XIRP2: variants seen among roughly 807,000 people sequenced by gnomAD.
XIRP2 encodes xin actin-binding repeat-containing protein 2.
A neutral mutation model predicts 277.0 loss-of-function variants in XIRP2; 236 were observed. That is an observed-to-expected ratio of 0.85 (90% CI 0.77 to 0.95). XIRP2 has a LOEUF of 0.95. XIRP2 is among the 40% of genes least tolerant of loss of function. The pLI, the probability that XIRP2 is intolerant of heterozygous loss-of-function variation, is 0.00. For missense variants in XIRP2, 4,640 were observed against 4,157.5 expected (o/e 1.12, Z -3.19); for synonymous variants, 1,490 against 1,416.5 (o/e 1.05, Z -1.17).
chr2:167,051,847 G>A (rs140151469), intron 2 of XIRP2, among the ~76,000 whole-genome samples: 2 of 152,062 alleles, frequency 1.3e-5, no homozygotes, highest in Admixed American at 1.3e-4. Flanking sequence ...TTCTGTAACT[G>A]TAAATTTGCC....
At chr2:167,200,847 C>T (rs537562213) in intron 3 of XIRP2, among the ~76,000 whole-genome samples, 17 of 151,980 alleles carry the variant, frequency 1.1e-4, no homozygotes, top group East Asian at 3.9e-4. Context: ...ATATACCTGC[C>T]GGGTGTGGTG....
chr2:167,251,228 C>T lies in XIRP2; in HGVS notation c.9836C>T (p.Ser3279Phe). ...ATYVHKDGLN[S>F]TDHMVPDTES... is the part of the protein sequence containing the mutation. ...TATGTTCATAAAGATGGACTAAATT[C>T]CACTGATCACATGGTGCCCGACACT... Residue 3279 changes from serine (S) to phenylalanine (F), a missense_variant, in exon 9 of 11, where the codon TCC becomes TTC. Ser to Phe is a radical substitution (Grantham distance 155, BLOSUM62 -2). Coordinates refer to ENST00000409195, the MANE Select transcript of XIRP2 (RefSeq NM_152381.6). The T allele has an allele frequency of 6.2e-7, 1 of 1,613,546 alleles. No homozygotes were observed. The highest frequency in any genetic ancestry group is 8.5e-7 in the Non-Finnish European group (1 of 1,179,712).
chr2:167,022,449 T>A lies in XIRP2; in HGVS notation c.409-113460T>A, dbSNP rs189957442. 3.0e-3 allele frequency among the ~76,000 whole-genome samples: 450 copies of A among 152,298 alleles called. 2 individuals carry two copies. Among genetic ancestry groups the A allele is most frequent in the African/African-American group, 0.01 (429 of 41,582 alleles). On this transcript the variant is annotated intron_variant, in intron 2 of 10. Coordinates refer to ENST00000409195, the MANE Select transcript of XIRP2 (RefSeq NM_152381.6). The stretch of plus-strand genomic sequence containing the variant: ...GCATAATGTTATGTATTCATTTTTT[T>A]AATTTTATTATTATTATACTTTAAG...
intron 2 of XIRP2, among the ~76,000 whole-genome samples, chr2:166,919,736 C>T (rs888451761): frequency 1.3e-5 from 2 of 151,768 alleles, no homozygotes; most frequent in African/African-American, 4.8e-5. Context: ...GTTATAAAAA[C>T]AAGAAATAAA....
At chr2:166,997,697 G>C (rs944875988) in intron 2 of XIRP2, among the ~76,000 whole-genome samples, 13 of 152,184 alleles carry the variant, frequency 8.5e-5, no homozygotes, top group African/African-American at 2.9e-4. Context: ...ACTAGGTCAA[G>C]AGCTCAAGAC....
chr2:167,009,004 T>G (rs1205309170), intron 2 of XIRP2, among the ~76,000 whole-genome samples: 1 of 151,428 alleles, frequency 6.6e-6, no homozygotes, highest in Non-Finnish European at 1.5e-5. Flanking sequence ...AGAGATTAAT[T>G]TCTTTTATAT....
intron 3 of XIRP2, among the ~76,000 whole-genome samples, chr2:167,165,772 T>C (rs1692506351): frequency 6.6e-6 from 1 of 152,202 alleles, no homozygotes; most frequent in South Asian, 2.1e-4. Flanking sequence ...CAAATTATTT[T>C]CTCCCAGGCC....
intron 2 of XIRP2, among the ~76,000 whole-genome samples, chr2:166,930,181 T>A (rs1685291895): frequency 6.6e-6 from 1 of 152,120 alleles, no homozygotes. Context: ...CATAAGGCAC[T>A]TCCATTTATT....
chr2:167,201,230 GAA>G (rs1559018213), intron 3 of XIRP2, among the ~76,000 whole-genome samples: 5 of 102,638 alleles, frequency 4.9e-5, no homozygotes, highest in African/African-American at 2.4e-4. Flanking sequence ...AAGAAAGAAA[GAA>G]AGAAAGAAAG....
At chr2:167,084,492 A>T (rs879372566) in intron 2 of XIRP2, among the ~76,000 whole-genome samples, 38 of 150,704 alleles carry the variant, frequency 2.5e-4, no homozygotes, top group Non-Finnish European at 4.0e-4. Context: ...TTTTCTATTG[A>T]TTGGAATAGT....
chr2:167,078,563 G>C (rs1689638601), intron 2 of XIRP2, among the ~76,000 whole-genome samples: 1 of 152,160 alleles, frequency 6.6e-6, no homozygotes, highest in Non-Finnish European at 1.5e-5. Context: ...CTGGCCGGGA[G>C]TGGTGGCTCA....
chr2:166,921,140 A>G (rs185683384), intron 2 of XIRP2, among the ~76,000 whole-genome samples: 1 of 152,010 alleles, frequency 6.6e-6, no homozygotes, highest in African/African-American at 2.4e-5. Context: ...TTTCACCCCA[A>G]TCCCTGAAAG....
intron 2 of XIRP2, among the ~76,000 whole-genome samples, chr2:167,012,809 C>T (rs1352187507): frequency 6.6e-6 from 1 of 151,534 alleles, no homozygotes; most frequent in Non-Finnish European, 1.5e-5. Context: ...AATCTAACTT[C>T]CCATAATCTA....
intron 3 of XIRP2, among the ~76,000 whole-genome samples, chr2:167,193,330 CTATGT>C (rs1353013806): frequency 1.3e-5 from 2 of 152,140 alleles, no homozygotes; most frequent in Non-Finnish European, 1.5e-5. Context: ...GACTTTGTCC[CTATGT>C]TATGTTATTG....
chr2:167,136,934 T>C (rs1691570195), intron 3 of XIRP2, among the ~76,000 whole-genome samples: 2 of 152,214 alleles, frequency 1.3e-5, no homozygotes, highest in African/African-American at 4.8e-5. Flanking sequence ...AAAACTTTGT[T>C]ATTGAAAGTG....
At chr2:167,152,441 T>C (rs1422807716) in intron 3 of XIRP2, among the ~76,000 whole-genome samples, 1 of 151,874 alleles carries the variant, frequency 6.6e-6, no homozygotes, top group Non-Finnish European at 1.5e-5. Flanking sequence ...CGTTCAACAA[T>C]TCTTTGAGTC....
intron 3 of XIRP2, among the ~76,000 whole-genome samples, chr2:167,175,250 C>T (rs2105352119): frequency 6.6e-6 from 1 of 152,176 alleles, no homozygotes; most frequent in Admixed American, 6.5e-5. Flanking sequence ...TCTGGGTGCT[C>T]CTGTATTGGG....
At chr2:167,055,929 A>T (rs1015741794) in intron 2 of XIRP2, among the ~76,000 whole-genome samples, 7 of 152,138 alleles carry the variant, frequency 4.6e-5, no homozygotes, top group African/African-American at 1.7e-4. Flanking sequence ...AACATTTGCA[A>T]ATTCAAACAA....
chr2:166,889,860 CCTT>C (rs1460814536), intron 1 of XIRP2: 6 of 98,212 alleles, frequency 6.1e-5, no homozygotes, highest in African/African-American at 8.6e-5. Context: ...CCCATCTCCA[CCTT>C]CTTCTCCTTG....
Sources: allele counts gnomAD v4.1 joint callset (sites outside exome capture counted in the v4.1 genomes callset), GRCh38; gene constraint gnomAD v4.1.1; transcripts MANE v1.5; gene names NCBI Gene and HGNC (gene_info 2026-07-23, HGNC 2026-07-21).